Variants in PCDHGB2 observed in about 807,000 individuals in gnomAD.
PCDHGB2 encodes the protein protocadherin gamma subfamily B, 2.
In PCDHGB2, 55 loss-of-function variants were observed where a neutral mutation model predicts 59.3. The ratio of observed to expected loss-of-function variants is 0.93; its 90% CI spans 0.75 to 1.16. The LOEUF (loss-of-function observed/expected upper bound fraction) is 1.16. Ranked by LOEUF, PCDHGB2 falls within the 50% of genes most tolerant of loss-of-function variation. PCDHGB2 has a pLI of 0.00. For missense variants in PCDHGB2, 1,228 were observed against 1,198.5 expected (o/e 1.02, Z -0.36); for synonymous variants, 516 against 512.0 (o/e 1.01, Z -0.11).
Position 141,361,578 on chromosome 5 carries a change from G to T in PCDHGB2, c.1443G>T (p.Leu481Phe). The T allele has an allele frequency of 1.9e-6, 3 of 1,614,036 alleles. No individual in the cohort carries two copies. The highest frequency in any genetic ancestry group is 2.5e-6 in the Non-Finnish European group (3 of 1,179,892). ...AAATCAGTGCCTCTGACCCTGACTT[G>T]GGCCCCAGTGGCCAAGTTTCCTACT... ...IAQISASDPD[L>F]GPSGQVSYSI... is the part of the protein sequence containing the mutation. The change falls in exon 1 of 4, where the codon TTG becomes TTT. Residue 481 changes from leucine to phenylalanine, a missense_variant. This residue lies in a region of PCDHGB2 where 781 missense variants were observed against 721.6 expected (regional missense o/e 1.08). Coordinates refer to ENST00000522605, the MANE Select transcript of PCDHGB2 (RefSeq NM_018923.3).
chr5:141,444,377 G>A (rs1035830834), intron 1 of PCDHGB2, among the ~76,000 whole-genome samples: 3 of 151,802 alleles, frequency 2.0e-5, no homozygotes, highest in Non-Finnish European at 4.4e-5. Context: ...CTCCATGTTG[G>A]TCAGGCTAGT....
At chr5:141,453,959 C>A (rs919037104) in intron 1 of PCDHGB2, among the ~76,000 whole-genome samples, 1 of 152,182 alleles carries the variant, frequency 6.6e-6, no homozygotes, top group African/African-American at 2.4e-5. Flanking sequence ...GCACAGACAG[C>A]AAAGCATGTA....
Position 141,419,080 on chromosome 5 carries a change from T to G in PCDHGB2, c.2421+56524T>G, listed in dbSNP as rs1286490083. The G allele has an allele frequency of 3.1e-6, 5 of 1,613,842 alleles. No individual in the cohort carries two copies. The South Asian group carries it at 5.5e-5, about 18-fold the overall frequency. On this transcript the variant is annotated intron_variant, in intron 1 of 3. Transcript: ENST00000522605. ...ATAATTACTACAAGCTAGTAACAGA[T>G]GAGGCCCTGGATCGGGAGCAGACCC... is the stretch of plus-strand genomic sequence containing the variant.
In PCDHGB2 at chr5:141,489,153, G is replaced by A; in HGVS notation, c.2422-5654G>A. The A allele has an allele frequency of 1.1e-6, 1 of 935,832 alleles. No homozygotes were observed. The highest frequency in any genetic ancestry group is 1.6e-6 in the Non-Finnish European group (1 of 627,178). 58.0% of individuals were successfully genotyped at this position (935,832 alleles called of 1,614,324 possible). A position where few individuals can be genotyped will look rare whatever the true frequency, so the allele number is the denominator to read the frequency against. ...TTTAAGAGGCTGGAAGGAGACATAA[G>A]AGACTTCAGCTGCTGCATTCCAAGC... On this transcript the variant is annotated intron_variant, in intron 1 of 3. Coordinates refer to ENST00000522605, the MANE Select transcript of PCDHGB2 (RefSeq NM_018923.3). This position sits in a 1 kb window ranked among gnomAD's most constrained non-coding sequence, Gnocchi z 4.5.
In PCDHGB2 at chr5:141,435,189, G is replaced by A. The variant is rs569176993; in HGVS notation, c.2422-59618G>A. Among the ~76,000 whole-genome samples the A allele has an allele frequency of 5.3e-5, 8 of 152,166 alleles. No homozygotes were observed. The South Asian group carries it at 8.3e-4, about 16-fold the overall frequency. On this transcript the variant is annotated intron_variant, in intron 1 of 3. Coordinates refer to ENST00000522605, the MANE Select transcript of PCDHGB2 (RefSeq NM_018923.3). ...GTGGCTTTTAACTACACTTGAGATGGCTAGCAAATTCATAAAGTGAATTTA... is the reference window on the plus strand; with the variant it reads ...GTGGCTTTTAACTACACTTGAGATGACTAGCAAATTCATAAAGTGAATTTA...
At chr5:141,418,877 G>T in intron 1 of PCDHGB2, 1 of 1,613,960 alleles carries the variant, frequency 6.2e-7, no homozygotes, top group Non-Finnish European at 8.5e-7. Context: ...AGTTGTAGAC[G>T]AAAACGACAA....
chr5:141,490,092 C>T lies in PCDHGB2; in HGVS notation c.2422-4715C>T. On this transcript the variant is annotated intron_variant, in intron 1 of 3. Coordinates refer to ENST00000522605, the MANE Select transcript of PCDHGB2 (RefSeq NM_018923.3). This position sits in a 1 kb window ranked among gnomAD's most constrained non-coding sequence, Gnocchi z 5.4. ...AACTAGACTATTCTTTTGGAGACCA[C>T]ACATCTGAGGCAGTGCGGAACCTCT... 6.2e-7 allele frequency: 1 copy of T among 1,614,240 alleles called. No individual in the cohort carries two copies.
rs201895231 is a variant in PCDHGB2 at position 141,392,844 on chromosome 5, G to A, written c.2421+30288G>A. On this transcript the variant is annotated intron_variant, in intron 1 of 3. Coordinates refer to ENST00000522605, the MANE Select transcript of PCDHGB2 (RefSeq NM_018923.3). ...CGCTCCACAGAGTCGCCCCAGACGC[G>A]GCGAGCTGATCCTGCTGTGCGCGCT... The A allele has an allele frequency of 1.3e-5, 21 of 1,609,468 alleles. 1 individual carries two copies. The East Asian group carries it at 1.6e-4, about 12-fold the overall frequency.
chr5:141,387,301 AT>A (rs888289074), intron 1 of PCDHGB2, among the ~76,000 whole-genome samples: 1 of 152,242 alleles, frequency 6.6e-6, no homozygotes, highest in African/African-American at 2.4e-5. Flanking sequence ...TGTATCCAGT[AT>A]ATTTCTAATG....
chr5:141,474,654 T>C (rs2099352669), intron 1 of PCDHGB2, among the ~76,000 whole-genome samples: 1 of 152,250 alleles, frequency 6.6e-6, no homozygotes, highest in African/African-American at 2.4e-5. Context: ...CTTACTTCTT[T>C]TCTACCTACC....
chr5:141,506,740 T>C (rs1006665092), intron 3 of PCDHGB2, among the ~76,000 whole-genome samples: 2 of 152,104 alleles, frequency 1.3e-5, no homozygotes, highest in African/African-American at 2.4e-5. Context: ...ATAATGCCTA[T>C]TAATAAAGAC....
At chr5:141,436,764 A>G (rs1248797699) in intron 1 of PCDHGB2, among the ~76,000 whole-genome samples, 1 of 152,214 alleles carries the variant, frequency 6.6e-6, no homozygotes, top group East Asian at 1.9e-4. Flanking sequence ...GGTATAATGG[A>G]ATGATTTGTG....
At position 141,486,238 on chromosome 5, in the gene PCDHGB2, G is replaced by C. The variant is rs1414434705; in HGVS notation, c.2422-8569G>C. 6.2e-7 allele frequency: 1 copy of C among 1,614,058 alleles called. No homozygotes were observed. The highest frequency in any genetic ancestry group is 8.5e-7 in the Non-Finnish European group (1 of 1,180,024). On this transcript the variant is annotated intron_variant, in intron 1 of 3. Coordinates refer to ENST00000522605, the MANE Select transcript of PCDHGB2 (RefSeq NM_018923.3). This position sits in a 1 kb window ranked among gnomAD's most constrained non-coding sequence, Gnocchi z 5.0. ...CCCCTTACATCACAGTGACCTCAGA[G>C]CTTGGAACCCTCCCCGAGAGTGCAG... is the stretch of plus-strand genomic sequence containing the variant.
chr5:141,393,088 G>C (rs760420305), intron 1 of PCDHGB2: 4 of 1,613,648 alleles, frequency 2.5e-6, no homozygotes, highest in South Asian at 1.1e-5. Context: ...AGGATAGATC[G>C]GGAGGAGCTC....
In PCDHGB2 at chr5:141,493,811, A is replaced by T. The variant is rs956872917; in HGVS notation, c.2422-996A>T. Reference sequence around the variant, plus strand: ...CTCCCTGGAGTAATCTGAGATACTCACACTCTCTGCTTCTGGGAGCAAGTA... The same window carrying T: ...CTCCCTGGAGTAATCTGAGATACTCTCACTCTCTGCTTCTGGGAGCAAGTA... On this transcript the variant is annotated intron_variant, in intron 1 of 3. Transcript: ENST00000522605. The surrounding 1 kb of genome is among the most constrained non-coding windows in gnomAD (Gnocchi z 4.3). Among the ~76,000 whole-genome samples the T allele has an allele frequency of 1.3e-5, 2 of 152,154 alleles. No homozygotes were observed. The highest frequency in any genetic ancestry group is 2.9e-5 in the Non-Finnish European group (2 of 68,036).
At chr5:141,437,249 T>G (rs2097870737) in intron 1 of PCDHGB2, among the ~76,000 whole-genome samples, 1 of 152,240 alleles carries the variant, frequency 6.6e-6, no homozygotes, top group African/African-American at 2.4e-5. Context: ...GGACTTTCCT[T>G]GTCTTTTTAT....
chr5:141,366,800 C>T (rs1243230147), intron 1 of PCDHGB2: 5 of 1,565,238 alleles, frequency 3.2e-6, no homozygotes, highest in Non-Finnish European at 4.3e-6. Context: ...TCATTTGTTT[C>T]CTTTTTCATG....
chr5:141,377,417 G>A (rs1773959916), intron 1 of PCDHGB2: 1 of 152,028 alleles, frequency 6.6e-6, no homozygotes, highest in Non-Finnish European at 1.5e-5. Context: ...ACCAGCCTGG[G>A]TGACTCTGTC....
chr5:141,498,565 G>C (rs2099784348), intron 2 of PCDHGB2, among the ~76,000 whole-genome samples: 1 of 152,044 alleles, frequency 6.6e-6, no homozygotes. Context: ...CTTCAAAGCA[G>C]GGCTAGTATT....
Sources: allele counts gnomAD v4.1 joint callset (sites outside exome capture counted in the v4.1 genomes callset), GRCh38; gene constraint gnomAD v4.1.1; regional missense constraint gnomAD v4.1.1; non-coding constraint Gnocchi (gnomAD v3.1); transcripts MANE v1.5; gene names NCBI Gene and HGNC (gene_info 2026-07-23, HGNC 2026-07-21).